Variants in CSMD1 observed in about 807,000 individuals in gnomAD.
The protein encoded by CSMD1 is CUB and sushi domain-containing protein 1.
A neutral mutation model predicts 417.5 loss-of-function variants in CSMD1; 213 were observed. That is an observed-to-expected ratio of 0.51 (90% CI 0.46 to 0.57). CSMD1 has a LOEUF of 0.57. Among genes scored for constraint, CSMD1 ranks in the 20% least tolerant of loss-of-function variants. The probability of loss-of-function intolerance (pLI) is 0.00; values close to 1 mark genes in which losing one functional copy is unlikely to be tolerated. For synonymous variants in CSMD1, 2,862 were observed against 1,736.8 expected (o/e 1.65, Z -16.11); for missense variants, 6,923 against 4,529.7 (o/e 1.53, Z -15.17).
intron 3 of CSMD1, among the ~76,000 whole-genome samples, chr8:4,044,524 G>T (rs749074231): frequency 4.6e-5 from 7 of 152,172 alleles, no homozygotes; most frequent in Non-Finnish European, 8.8e-5. Flanking sequence ...CAGTCAGGAG[G>T]AGCAGGACAC....
chr8:4,653,921 A>T (rs1182930231), intron 1 of CSMD1, among the ~76,000 whole-genome samples: 1 of 151,826 alleles, frequency 6.6e-6, no homozygotes, highest in Non-Finnish European at 1.5e-5. Context: ...ATTTTTTTTT[A>T]ACCAAAGTAT....
At chr8:3,709,728 G>C (rs1214369749) in intron 6 of CSMD1, among the ~76,000 whole-genome samples, 2 of 70,268 alleles carry the variant, frequency 2.8e-5, no homozygotes, top group South Asian at 4.7e-4. Context: ...TCTGCTTTCT[G>C]ACTGGAGCTA....
chr8:3,715,342 T>A (rs1249655715), intron 6 of CSMD1, among the ~76,000 whole-genome samples: 1 of 152,154 alleles, frequency 6.6e-6, no homozygotes. Flanking sequence ...GTTGTTTTCC[T>A]GAAGGATGGA....
At chr8:4,429,348 A>G (rs948970761) in intron 2 of CSMD1, among the ~76,000 whole-genome samples, 2 of 152,116 alleles carry the variant, frequency 1.3e-5, no homozygotes, top group African/African-American at 4.8e-5. Flanking sequence ...GTGTGTATAC[A>G]TAGATATACA....
intron 1 of CSMD1, among the ~76,000 whole-genome samples, chr8:4,682,052 T>C (rs1288527682): frequency 6.6e-6 from 1 of 152,186 alleles, no homozygotes; most frequent in Non-Finnish European, 1.5e-5. Context: ...AGGGTCTCAC[T>C]CTGTCACCCA....
intron 10 of CSMD1, among the ~76,000 whole-genome samples, chr8:3,567,018 G>A (rs1317584376): frequency 5.3e-5 from 8 of 152,200 alleles, no homozygotes; most frequent in African/African-American, 1.7e-4. Context: ...AATACATGGA[G>A]TCAACCTAAA....
At chr8:4,884,515 C>G (rs996340827) in intron 1 of CSMD1, among the ~76,000 whole-genome samples, 1 of 151,838 alleles carries the variant, frequency 6.6e-6, no homozygotes, top group Non-Finnish European at 1.5e-5. Context: ...AATTTTAGCT[C>G]TTTCATTTAG....
chr8:4,389,800 A>G (rs1403231134), intron 3 of CSMD1, among the ~76,000 whole-genome samples: 4 of 152,154 alleles, frequency 2.6e-5, no homozygotes, highest in Non-Finnish European at 5.9e-5. Flanking sequence ...GTAAAGCCTT[A>G]CAACTACTTT....
At chr8:3,149,232 A>T (rs1362097868) in intron 40 of CSMD1, among the ~76,000 whole-genome samples, 2 of 152,230 alleles carry the variant, frequency 1.3e-5, no homozygotes, top group African/African-American at 4.8e-5. Flanking sequence ...ACTAAATGAT[A>T]CCCTTCTCAG....
chr8:3,968,753 C>G (rs1417421971), intron 5 of CSMD1, among the ~76,000 whole-genome samples: 1 of 152,072 alleles, frequency 6.6e-6, no homozygotes, highest in South Asian at 2.1e-4. Context: ...GCCTCAACAA[C>G]CAAAATGCTG....
At chr8:3,206,029 T>C (rs185717624) in intron 30 of CSMD1, among the ~76,000 whole-genome samples, 11 of 152,266 alleles carry the variant, frequency 7.2e-5, no homozygotes, top group South Asian at 4.1e-4. Context: ...TTTATATTAA[T>C]ATGGGAATCA....
intron 2 of CSMD1, among the ~76,000 whole-genome samples, chr8:4,625,943 C>A (rs537457938): frequency 1.3e-5 from 2 of 152,074 alleles, no homozygotes; most frequent in Non-Finnish European, 2.9e-5. Context: ...AGGCTGGTCT[C>A]GAACTCCTGA....
intron 3 of CSMD1, among the ~76,000 whole-genome samples, chr8:4,237,005 A>C (rs1248216930): frequency 1.3e-5 from 2 of 152,228 alleles, no homozygotes; most frequent in African/African-American, 2.4e-5. Flanking sequence ...ACAAGATCTT[A>C]AATCGCGCTC....
intron 5 of CSMD1, among the ~76,000 whole-genome samples, chr8:3,866,206 T>A (rs1805092394): frequency 6.6e-6 from 1 of 152,240 alleles, no homozygotes; most frequent in African/African-American, 2.4e-5. Flanking sequence ...GAGTAAAGCA[T>A]TATTCCTAAT....
intron 1 of CSMD1, among the ~76,000 whole-genome samples, chr8:4,768,383 T>C (rs1375514708): frequency 6.6e-6 from 1 of 152,146 alleles, no homozygotes; most frequent in Non-Finnish European, 1.5e-5. Flanking sequence ...GTTCTTTCCA[T>C]TCAGAAAATC....
At chr8:3,908,265 G>A (rs1584946831) in intron 5 of CSMD1, among the ~76,000 whole-genome samples, 2 of 145,036 alleles carry the variant, frequency 1.4e-5, no homozygotes, top group Non-Finnish European at 3.1e-5. Flanking sequence ...AGCTGAGTCA[G>A]GTTCATCAAG....
At chr8:3,325,559 C>T (rs890748610) in intron 23 of CSMD1, among the ~76,000 whole-genome samples, 6 of 152,190 alleles carry the variant, frequency 3.9e-5, no homozygotes, top group African/African-American at 7.2e-5. Context: ...CATGCTGGCT[C>T]ACGCCTGTAA....
chr8:4,203,204 T>C (rs1217327692), intron 3 of CSMD1, among the ~76,000 whole-genome samples: 2 of 152,202 alleles, frequency 1.3e-5, no homozygotes, highest in Admixed American at 6.5e-5. Context: ...GCAACCTTGC[T>C]GGCTTTGAAG....
intron 2 of CSMD1, among the ~76,000 whole-genome samples, chr8:4,507,052 A>G (rs566460547): frequency 6.6e-6 from 1 of 152,294 alleles, no homozygotes; most frequent in East Asian, 1.9e-4. Flanking sequence ...TCAAAAGGAA[A>G]TAAACACATA....
Sources: allele counts gnomAD v4.1 joint callset (sites outside exome capture counted in the v4.1 genomes callset), GRCh38; gene constraint gnomAD v4.1.1; transcripts MANE v1.5; gene names NCBI Gene and HGNC (gene_info 2026-07-23, HGNC 2026-07-21).